Variants in RAB27B observed in about 807,000 individuals in gnomAD.
RAB27B encodes the protein RAB27B, member RAS oncogene family.
RAB27B carries 15 observed loss-of-function variants against 24.6 expected under a neutral mutation model. The ratio of observed to expected loss-of-function variants is 0.61; its 90% CI spans 0.41 to 0.94. RAB27B has a LOEUF of 0.94. Ranked by LOEUF, RAB27B falls within the 40% of genes least tolerant of loss-of-function variation. The pLI is 0.00. For synonymous variants in RAB27B, 105 were observed against 92.5 expected (o/e 1.14, Z -0.78); for missense variants, 261 against 266.8 (o/e 0.98, Z 0.15).
intron 1 of RAB27B, among the ~76,000 whole-genome samples, chr18:54,863,749 T>G (rs1226563477): frequency 6.6e-6 from 1 of 152,248 alleles, no homozygotes; most frequent in Non-Finnish European, 1.5e-5. Context: ...GTATTTCATA[T>G]AAGTAGAATC....
intron 3 of RAB27B, 151 bp from the exon 4 acceptor site, chr18:54,884,182 G>A (rs920119746): frequency 3.9e-6 from 2 of 519,006 alleles, no homozygotes; most frequent in African/African-American, 1.9e-5. Flanking sequence ...TGGTTCTTCA[G>A]CAATTTCTCT....
At chr18:54,738,591 T>G (rs1909972679) in intron 2 of RAB27B, among the ~76,000 whole-genome samples, 1 of 152,156 alleles carries the variant, frequency 6.6e-6, no homozygotes, top group East Asian at 1.9e-4. Context: ...CCTTTCTTTA[T>G]AAATTACCCA....
intron 1 of RAB27B, among the ~76,000 whole-genome samples, chr18:54,843,042 C>T (rs1450267432): frequency 2.6e-5 from 4 of 152,136 alleles, no homozygotes; most frequent in South Asian, 2.1e-4. Context: ...ATGATCCACC[C>T]GCCTCAGGCT....
chr18:54,773,716 C>A (rs1431171191), intron 2 of RAB27B, among the ~76,000 whole-genome samples: 1 of 151,388 alleles, frequency 6.6e-6, no homozygotes, highest in African/African-American at 2.4e-5. Flanking sequence ...CACTCTGTCA[C>A]CCAGGCTGGA....
chr18:54,744,090 A>T (rs1910156587), intron 2 of RAB27B, among the ~76,000 whole-genome samples: 1 of 152,178 alleles, frequency 6.6e-6, no homozygotes, highest in African/African-American at 2.4e-5. Flanking sequence ...TATTAAAATC[A>T]ACAGTGAATA....
chr18:54,845,421 A>AAAAAAG (rs1394414655), intron 1 of RAB27B, among the ~76,000 whole-genome samples: 2 of 142,146 alleles, frequency 1.4e-5, no homozygotes, highest in South Asian at 2.2e-4. Flanking sequence ...AAAAAAAAAT[A>AAAAAAG]AAATAAAATC....
upstream of RAB27B, among the ~76,000 whole-genome samples, chr18:54,825,084 G>A (rs540511767): frequency 1.9e-4 from 29 of 152,214 alleles, no homozygotes; most frequent in African/African-American, 6.5e-4. Context: ...CTGACAGTTT[G>A]TCTTGATATA....
rs1284396943 is a variant in RAB27B, at chr18:54,889,515, A to G, written c.*102A>G. The G allele has an allele frequency of 3.8e-6, 4 of 1,058,706 alleles. No individual in the cohort carries two copies. Among genetic ancestry groups the G allele is most frequent in the Non-Finnish European group, 5.3e-6 (4 of 758,162 alleles). 65.6% of individuals were successfully genotyped at this position (1,058,706 alleles called of 1,614,324 possible). On this transcript the variant is annotated 3_prime_UTR_variant, in exon 6 of 6. Coordinates refer to ENST00000262094, the MANE Select transcript of RAB27B (RefSeq NM_004163.4). The stretch of plus-strand genomic sequence containing the variant: ...TGTTGAGTAAACCACGCACAATGGC[A>G]TGTCTTTCTTTTTCTGCCAGAAAAT...
At chr18:54,850,548 G>T (rs960564690) in intron 1 of RAB27B, among the ~76,000 whole-genome samples, 2 of 150,464 alleles carry the variant, frequency 1.3e-5, no homozygotes, top group African/African-American at 4.9e-5. Context: ...TGTATGTTCA[G>T]TAGAGATGGC....
intron 2 of RAB27B, among the ~76,000 whole-genome samples, chr18:54,770,287 C>T (rs758710879): frequency 6.6e-6 from 1 of 152,140 alleles, no homozygotes; most frequent in South Asian, 2.1e-4. Flanking sequence ...TCTGTGTTTA[C>T]AGCCACTCCC....
intron 2 of RAB27B, among the ~76,000 whole-genome samples, chr18:54,730,317 G>A (rs1384920287): frequency 2.6e-5 from 4 of 152,062 alleles, no homozygotes; most frequent in African/African-American, 7.2e-5. Flanking sequence ...CATAAGTTCC[G>A]AAAAGTTGAA....
Position 54,890,409 on chromosome 18 carries a change from C to T in RAB27B, c.*996C>T, listed in dbSNP as rs1599001581. Reference sequence around the variant, plus strand: ...TAAAATGCAGTCAAGGAAAACTAGCCTTGAATTTTTTTTAGATAAAATAAG... The same window carrying T: ...TAAAATGCAGTCAAGGAAAACTAGCTTTGAATTTTTTTTAGATAAAATAAG... On this transcript the variant is annotated 3_prime_UTR_variant, in exon 6 of 6. Coordinates refer to ENST00000262094, the MANE Select transcript of RAB27B (RefSeq NM_004163.4). The T allele has an allele frequency of 6.6e-6, 1 of 152,044 alleles. No homozygotes were observed. Among genetic ancestry groups the T allele is most frequent in the East Asian group, 1.9e-4 (1 of 5,200 alleles). 9.4% of individuals were successfully genotyped at this position (152,044 alleles called of 1,614,324 possible).
chr18:54,757,493 T>C (rs1473291820), intron 2 of RAB27B, among the ~76,000 whole-genome samples: 1 of 152,188 alleles, frequency 6.6e-6, no homozygotes, highest in Non-Finnish European at 1.5e-5. Context: ...GTAACAAAGA[T>C]GGTGTGAAAT....
intron 1 of RAB27B, among the ~76,000 whole-genome samples, chr18:54,856,972 T>G (rs1297327677): frequency 2.0e-5 from 3 of 152,238 alleles, no homozygotes; most frequent in African/African-American, 7.2e-5. Context: ...TTCAAATGTT[T>G]TTAAACTACT....
intron 2 of RAB27B, among the ~76,000 whole-genome samples, chr18:54,734,842 T>A (rs1909841961): frequency 6.6e-6 from 1 of 152,178 alleles, no homozygotes; most frequent in Non-Finnish European, 1.5e-5. Context: ...GTGCCCTCTA[T>A]GAAACCTGAG....
At chr18:54,761,548 A>G (rs1908189351) in intron 2 of RAB27B, among the ~76,000 whole-genome samples, 1 of 152,192 alleles carries the variant, frequency 6.6e-6, no homozygotes. Context: ...ACAGTTATAA[A>G]CCTTCATCTC....
At chr18:54,879,990 T>C (rs2145276984) in intron 3 of RAB27B, 1 of 153,784 alleles carries the variant, frequency 6.5e-6, no homozygotes, top group East Asian at 1.9e-4. Context: ...ATATTTCTTC[T>C]CTTCTATGAA....
chr18:54,728,913 AAAAAAAAAAAC>A (rs1909637481), intron 2 of RAB27B, among the ~76,000 whole-genome samples: 1 of 145,834 alleles, frequency 6.9e-6, no homozygotes, highest in Non-Finnish European at 1.5e-5. Context: ...CAAAAAAAAA[AAAAAAAAAAAC>A]CACCACCAAA....
intron 1 of RAB27B, among the ~76,000 whole-genome samples, chr18:54,834,291 C>T (rs1910807412): frequency 6.6e-6 from 1 of 152,104 alleles, no homozygotes; most frequent in Non-Finnish European, 1.5e-5. Context: ...GGAACAGTTT[C>T]ATAGAAAGGA....
Sources: gnomAD v4.1 joint callset for allele counts (sites outside exome capture counted in the v4.1 genomes callset) on GRCh38, gnomAD v4.1.1 for gene constraint, MANE v1.5 for transcripts, NCBI Gene and HGNC (gene_info 2026-07-23, HGNC 2026-07-21) for gene names.